The following CDC14A variants were observed in gnomAD, a reference collection of about 807,000 sequenced individuals.
CDC14A encodes dual specificity protein phosphatase CDC14A.
CDC14A carries 53 observed loss-of-function variants against 74.4 expected under a neutral mutation model. The ratio of observed to expected loss-of-function variants is 0.71; its 90% CI spans 0.57 to 0.89. The LOEUF is 0.89. Among genes scored for constraint, CDC14A ranks in the 40% least tolerant of loss-of-function variants. CDC14A has a pLI of 0.00. For synonymous variants in CDC14A, 247 were observed against 258.4 expected (o/e 0.96, Z 0.43); for missense variants, 646 against 713.7 (o/e 0.91, Z 1.08).
chr1:100,393,641 A>G, intron 4 of CDC14A: 1 of 598,014 alleles, frequency 1.7e-6, no homozygotes, highest in Non-Finnish European at 3.1e-6. Flanking sequence ...AGGCTTCATA[A>G]CCTTGATCAA....
At chr1:100,451,474 T>G (rs1163181264) in intron 7 of CDC14A, among the ~76,000 whole-genome samples, 3 of 152,242 alleles carry the variant, frequency 2.0e-5, no homozygotes, top group Non-Finnish European at 4.4e-5. Flanking sequence ...CATGTCAACT[T>G]AAACCAAATA....
intron 15 of CDC14A, among the ~76,000 whole-genome samples, chr1:100,516,827 C>G (rs1485910069): frequency 6.6e-6 from 1 of 152,092 alleles, no homozygotes; most frequent in Non-Finnish European, 1.5e-5. Flanking sequence ...TAGTATAGTG[C>G]TCTGATTCTT....
intron 10 of CDC14A, among the ~76,000 whole-genome samples, chr1:100,473,882 T>G (rs1430388019): frequency 6.6e-6 from 1 of 152,182 alleles, no homozygotes; most frequent in African/African-American, 2.4e-5. Context: ...CTTCCAGCGC[T>G]GTGATGAGTA....
At chr1:100,394,217 C>T (rs1228105397) in intron 4 of CDC14A, among the ~76,000 whole-genome samples, 1 of 152,074 alleles carries the variant, frequency 6.6e-6, no homozygotes, top group Non-Finnish European at 1.5e-5. Flanking sequence ...TGTGCTCAAG[C>T]GATCCTCCTG....
chr1:100,359,527 A>G (rs1285885209), intron 2 of CDC14A, among the ~76,000 whole-genome samples: 1 of 152,216 alleles, frequency 6.6e-6, no homozygotes, highest in East Asian at 1.9e-4. Context: ...CTGACAGTAT[A>G]TGCACAAACT....
chr1:100,386,230 T>G (rs952873948), intron 3 of CDC14A, among the ~76,000 whole-genome samples: 12 of 151,948 alleles, frequency 7.9e-5, no homozygotes, highest in African/African-American at 2.9e-4. Context: ...ATAAGGTGGA[T>G]AGTGGCTGGC....
At chr1:100,423,491 C>T (rs1662595921) in intron 4 of CDC14A, among the ~76,000 whole-genome samples, 1 of 152,166 alleles carries the variant, frequency 6.6e-6, no homozygotes, top group Non-Finnish European at 1.5e-5. Flanking sequence ...GCCCCACAAG[C>T]ATAAATTCTA....
chr1:100,380,151 C>T (rs1245993996), intron 3 of CDC14A, among the ~76,000 whole-genome samples: 4 of 152,162 alleles, frequency 2.6e-5, no homozygotes, highest in Non-Finnish European at 4.4e-5. Context: ...TCTACAAAAT[C>T]GATGAACACC....
intron 11 of CDC14A, among the ~76,000 whole-genome samples, chr1:100,493,392 A>C (rs576592940): frequency 6.6e-6 from 1 of 152,336 alleles, no homozygotes; most frequent in East Asian, 1.9e-4. Context: ...ACTGCAGCCT[A>C]GTGAAGCTAA....
chr1:100,347,373 C>T (rs2100857879), intron 1 of CDC14A, among the ~76,000 whole-genome samples: 1 of 152,310 alleles, frequency 6.6e-6, no homozygotes, highest in East Asian at 1.9e-4. Context: ...TGGGCCTGTG[C>T]TAAATCCCTT....
chr1:100,391,672 A>T (rs995194411), intron 4 of CDC14A, among the ~76,000 whole-genome samples: 3 of 152,184 alleles, frequency 2.0e-5, no homozygotes, highest in Non-Finnish European at 4.4e-5. Context: ...CAAGGGCCTC[A>T]TTCTAAGGAC....
chr1:100,482,766 ATC>A (rs71084823), intron 10 of CDC14A, among the ~76,000 whole-genome samples: 9 of 151,138 alleles, frequency 6.0e-5, no homozygotes, highest in African/African-American at 1.7e-4. Flanking sequence ...TTTTCAACCT[ATC>A]TCTCTCTCTC....
rs1460131157 is a variant in CDC14A, at chr1:100,412,696, T to TTTTATA, written c.310-11525_310-11524insTTATAT. On this transcript the variant is annotated intron_variant, in intron 4 of 15. Coordinates refer to ENST00000336454, the MANE Select transcript of CDC14A (RefSeq NM_003672.4). ...AAGGTGGGTGAACTTCCTGTATGTT[T>TTTTATA]TATATATATATATATATATATATAT... 1.5e-4 allele frequency among the ~76,000 whole-genome samples: 11 copies of TTTTATA among 74,106 alleles called. 1 individual carries two copies. In the East Asian group the frequency reaches 1.9e-3, roughly 13 times the overall value. 48.6% of individuals were successfully genotyped at this position (74,106 alleles called of 152,430 possible). A position where few individuals can be genotyped will look rare whatever the true frequency, so the allele number is the denominator to read the frequency against.
intron 10 of CDC14A, among the ~76,000 whole-genome samples, chr1:100,471,497 TA>T (rs2101279729): frequency 6.6e-6 from 1 of 152,284 alleles, no homozygotes; most frequent in East Asian, 1.9e-4. Context: ...GAATTTTTTT[TA>T]TTGAGAGAAA....
chr1:100,427,135 TA>T (rs1023147883), intron 5 of CDC14A, among the ~76,000 whole-genome samples: 5 of 151,760 alleles, frequency 3.3e-5, no homozygotes, highest in African/African-American at 7.2e-5. Context: ...TCACCAGGTT[TA>T]AAAAAAAATC....
intron 4 of CDC14A, among the ~76,000 whole-genome samples, chr1:100,423,487 C>G (rs1212146430): frequency 6.6e-6 from 1 of 152,194 alleles, no homozygotes; most frequent in Non-Finnish European, 1.5e-5. Flanking sequence ...CTTTGCCCCA[C>G]AAGCATAAAT....
intron 15 of CDC14A, among the ~76,000 whole-genome samples, chr1:100,513,060 A>C (rs1649913881): frequency 6.6e-6 from 1 of 152,204 alleles, no homozygotes; most frequent in Admixed American, 6.5e-5. Flanking sequence ...TTGAAATAAA[A>C]AATAAAAAAT....
intron 7 of CDC14A, among the ~76,000 whole-genome samples, chr1:100,449,187 G>A (rs1037309314): frequency 1.3e-5 from 2 of 152,218 alleles, no homozygotes; most frequent in African/African-American, 4.8e-5. Flanking sequence ...ACATTACAAT[G>A]TAGCGCATCT....
intron 2 of CDC14A, among the ~76,000 whole-genome samples, chr1:100,374,164 A>G (rs1205341776): frequency 5.3e-5 from 8 of 152,114 alleles, no homozygotes; most frequent in Non-Finnish European, 7.3e-5. Context: ...ATAGTATTCC[A>G]TGGTTGTATA....
Sources: allele counts gnomAD v4.1 joint callset (sites outside exome capture counted in the v4.1 genomes callset), GRCh38; gene constraint gnomAD v4.1.1; transcripts MANE v1.5; gene names NCBI Gene and HGNC (gene_info 2026-07-23, HGNC 2026-07-21).